SSBP3: variants seen among roughly 807,000 people sequenced by gnomAD.
SSBP3 encodes the protein single stranded DNA binding protein 3.
Under a neutral mutation model 69.6 loss-of-function variants are expected in SSBP3, and 5 were observed. That is an observed-to-expected ratio of 0.07 (90% CI 0.04 to 0.15). The LOEUF (loss-of-function observed/expected upper bound fraction) is 0.15. Among genes scored for constraint, SSBP3 ranks in the 10% least tolerant of loss-of-function variants. SSBP3 has a pLI of 1.00. For missense variants in SSBP3, 312 were observed against 534.0 expected (o/e 0.58, Z 4.10); for synonymous variants, 196 against 193.4 (o/e 1.01, Z -0.11).
intron 4 of SSBP3, among the ~76,000 whole-genome samples, chr1:54,313,109 G>A (rs1646034102): frequency 6.6e-6 from 1 of 151,472 alleles, no homozygotes; most frequent in Admixed American, 6.6e-5. Flanking sequence ...TTAGGGCGGT[G>A]GAGCCAGCTC....
intron 9 of SSBP3, among the ~76,000 whole-genome samples, chr1:54,243,753 A>G (rs1278048966): frequency 6.6e-6 from 1 of 152,150 alleles, no homozygotes; most frequent in Non-Finnish European, 1.5e-5. Flanking sequence ...AGCCTGCCCG[A>G]GGCTGGTGCA....
At position 54,255,166 on chromosome 1, in the gene SSBP3, G is replaced by C. The variant is rs1167114135; in HGVS notation, c.507+1961C>G. Among the ~76,000 whole-genome samples, 6 of 138,640 alleles carry C rather than the reference G, an allele frequency of 4.3e-5. No homozygotes were observed. The South Asian group carries it at 1.6e-3, about 37-fold the overall frequency. 91.0% of individuals were successfully genotyped at this position (138,640 alleles called of 152,430 possible). A position where few individuals can be genotyped will look rare whatever the true frequency, so the allele number is the denominator to read the frequency against. ...TTTCTATTGCGGGGGGGCGGGGGGGGGGGTGGTTGGCAGGGAGGTTGGGAA... is the reference window on the plus strand; with the variant it reads ...TTTCTATTGCGGGGGGGCGGGGGGGCGGGTGGTTGGCAGGGAGGTTGGGAA... On this transcript the variant is annotated intron_variant, in intron 7 of 17. Transcript: ENST00000610401.
chr1:54,378,777 G>A (rs1216436439), intron 4 of SSBP3, among the ~76,000 whole-genome samples: 1 of 152,180 alleles, frequency 6.6e-6, no homozygotes, highest in African/African-American at 2.4e-5. Context: ...AACCGCTGGG[G>A]GAGGGGAGGC....
chr1:54,317,518 T>C (rs541867851), intron 4 of SSBP3, among the ~76,000 whole-genome samples: 4 of 150,748 alleles, frequency 2.7e-5, no homozygotes, highest in Non-Finnish European at 4.4e-5. Flanking sequence ...GCCTGGGTGA[T>C]AGAGCGAGAC....
chr1:54,327,945 A>G (rs1245048364), intron 4 of SSBP3, among the ~76,000 whole-genome samples: 1 of 152,170 alleles, frequency 6.6e-6, no homozygotes, highest in Non-Finnish European at 1.5e-5. Context: ...CCATATACCA[A>G]ATATAGTTCC....
intron 4 of SSBP3, among the ~76,000 whole-genome samples, chr1:54,297,036 C>T (rs763651364): frequency 5.9e-5 from 9 of 152,292 alleles, no homozygotes; most frequent in Non-Finnish European, 1.0e-4. Flanking sequence ...GCTGGTGACA[C>T]GAACAGTTAA....
chr1:54,290,704 A>G (rs1387849561), intron 4 of SSBP3, among the ~76,000 whole-genome samples: 1 of 152,188 alleles, frequency 6.6e-6, no homozygotes, highest in Non-Finnish European at 1.5e-5. Flanking sequence ...AGTGGATCCC[A>G]GCCAGTGCAC....
chr1:54,304,851 C>T (rs1007638453), intron 4 of SSBP3, among the ~76,000 whole-genome samples: 5 of 152,246 alleles, frequency 3.3e-5, no homozygotes, highest in Non-Finnish European at 2.9e-5. Flanking sequence ...AGTTGGCCTA[C>T]GCAGGGTAGC....
chr1:54,238,841 C>T (rs1049704389), intron 14 of SSBP3: 6 of 404,824 alleles, frequency 1.5e-5, no homozygotes, highest in African/African-American at 4.2e-5. Context: ...TACAGCATGG[C>T]GCTTCCCCCA....
chr1:54,238,967 A>G, intron 14 of SSBP3, 162 bp downstream of exon 14: 11 of 403,336 alleles, frequency 2.7e-5, no homozygotes, highest in Admixed American at 6.7e-5. Context: ...ATGAAATGGG[A>G]ACTGAGTTGC....
intron 4 of SSBP3, among the ~76,000 whole-genome samples, chr1:54,342,892 C>T (rs1324116237): frequency 6.6e-6 from 1 of 152,198 alleles, no homozygotes; most frequent in African/African-American, 2.4e-5. Context: ...AGTGAGCTGA[C>T]ACGCTTTGAG....
At chr1:54,365,353 T>C (rs1647012697) in intron 4 of SSBP3, among the ~76,000 whole-genome samples, 2 of 152,042 alleles carry the variant, frequency 1.3e-5, no homozygotes, top group Non-Finnish European at 2.9e-5. Context: ...GGTGTGCGTG[T>C]GTGTGTGTGT....
intron 4 of SSBP3, among the ~76,000 whole-genome samples, chr1:54,291,156 CT>C (rs35439741): frequency 0.53 from 79,432 of 150,972 alleles, 21,456 homozygotes; most frequent in East Asian, 0.77. Flanking sequence ...CTTCTAGAAA[CT>C]TTTTTTTTTT....
chr1:54,384,105 C>CAAAAAAAAAAAAA (rs34137070), intron 4 of SSBP3, among the ~76,000 whole-genome samples: 28 of 94,102 alleles, frequency 3.0e-4, no homozygotes, highest in Non-Finnish European at 4.4e-4. Context: ...GACTCCATCT[C>CAAAAAAAAAAAAA]AAAAAAAAAA....
exon 13 of SSBP3, chr1:54,240,951 A>C (rs35614381): frequency 6.2e-7 from 1 of 1,610,266 alleles, no homozygotes; most frequent in Non-Finnish European, 8.5e-7. Context: ...CGCCACCACC[A>C]GGGGGTCCCT....
rs532185683 is a variant in SSBP3, at chr1:54,279,620, G to A, written c.366+1818C>T. Among the ~76,000 whole-genome samples the A allele has an allele frequency of 3.3e-5, 5 of 152,278 alleles. No homozygotes were observed. The South Asian group carries it at 6.2e-4, about 19-fold the overall frequency. ...GTACCTCGGTGGGTCCACCAGACACGGAAGCCACATCTGCACTGTCTCAAG... is the reference window on the plus strand; with the variant it reads ...GTACCTCGGTGGGTCCACCAGACACAGAAGCCACATCTGCACTGTCTCAAG... On this transcript the variant is annotated intron_variant, in intron 5 of 17. Coordinates refer to ENST00000610401, the Ensembl canonical transcript of SSBP3.
chr1:54,243,789 C>A (rs1325800873), intron 9 of SSBP3, among the ~76,000 whole-genome samples: 1 of 152,200 alleles, frequency 6.6e-6, no homozygotes, highest in Non-Finnish European at 1.5e-5. Context: ...CATACAGACA[C>A]GCCAACCTGC....
chr1:54,251,826 A>G, exon 8 of SSBP3: 1 of 1,611,916 alleles, frequency 6.2e-7, no homozygotes. Flanking sequence ...AGAATTGGGC[A>G]GCAATGGCTG....
chr1:54,393,542 C>A (rs907477074), intron 4 of SSBP3, among the ~76,000 whole-genome samples: 6 of 152,156 alleles, frequency 3.9e-5, no homozygotes, highest in African/African-American at 1.4e-4. Context: ...ATAATCCCAG[C>A]ACTTTGAGAG....
Sources: allele counts gnomAD v4.1 joint callset (sites outside exome capture counted in the v4.1 genomes callset), GRCh38; gene constraint gnomAD v4.1.1; transcripts MANE v1.5; gene names NCBI Gene and HGNC (gene_info 2026-07-23, HGNC 2026-07-21).